ST8SIA1: variants seen among roughly 807,000 people sequenced by gnomAD.
ST8SIA1 encodes the protein alpha-N-acetylneuraminide alpha-2,8-sialyltransferase.
ST8SIA1 carries 16 observed loss-of-function variants against 35.9 expected under a neutral mutation model. The ratio of observed to expected loss-of-function variants is 0.45; its 90% CI spans 0.30 to 0.68. The LOEUF (loss-of-function observed/expected upper bound fraction) is 0.68. ST8SIA1 is among the 30% of genes least tolerant of loss of function. The pLI, the probability that ST8SIA1 is intolerant of heterozygous loss-of-function variation, is 0.09. For missense variants in ST8SIA1, 383 were observed against 453.6 expected (o/e 0.84, Z 1.41); for synonymous variants, 170 against 169.6 (o/e 1.00, Z -0.02).
At chr12:22,285,155 G>A (rs1181089609) in intron 2 of ST8SIA1, among the ~76,000 whole-genome samples, 1 of 152,206 alleles carries the variant, frequency 6.6e-6, no homozygotes, top group Non-Finnish European at 1.5e-5. Flanking sequence ...TTCGCAACTA[G>A]TGTTCTGGAT....
In ST8SIA1 at chr12:22,226,319, T is replaced by C. The variant is rs796474577; in HGVS notation, c.584+22687A>G. Among the ~76,000 whole-genome samples, 28 of 152,334 alleles carry C rather than the reference T, an allele frequency of 1.8e-4. 1 individual carries two copies. Among genetic ancestry groups the C allele is most frequent in the African/African-American group, 6.7e-4 (28 of 41,584 alleles). ...ACCTTGACTCTTACTCCATTGTAGG[T>C]AAATCACATTTTTCTGATTGGATGC... On this transcript the variant is annotated intron_variant, in intron 4 of 4. Transcript: ENST00000396037.
intron 2 of ST8SIA1, among the ~76,000 whole-genome samples, chr12:22,273,121 T>C (rs1407324921): frequency 6.6e-6 from 1 of 152,118 alleles, no homozygotes; most frequent in Non-Finnish European, 1.5e-5. Context: ...AATGCCTAGA[T>C]AGACACGGGC....
At position 22,200,758 on chromosome 12, in the gene ST8SIA1, A is replaced by G. The variant is rs927107294; in HGVS notation, c.*794T>C. Reference sequence around the variant, plus strand: ...TCATATTGGTAGTCTTTTGCACTAAAATAAAAATGACAATGCAAACAGGCT... The same window carrying G: ...TCATATTGGTAGTCTTTTGCACTAAGATAAAAATGACAATGCAAACAGGCT... On this transcript the variant is annotated 3_prime_UTR_variant, in exon 5 of 5. Transcript: ENST00000396037. The G allele has an allele frequency of 1.3e-5, 2 of 152,184 alleles. No individual in the cohort carries two copies. The highest frequency in any genetic ancestry group is 4.8e-5 in the African/African-American group (2 of 41,448). The allele number at this position is 152,184 out of a possible 1,614,324, so 9.4% of individuals were successfully genotyped here.
chr12:22,329,903 C>A (rs1210731829), intron 1 of ST8SIA1, among the ~76,000 whole-genome samples: 1 of 152,216 alleles, frequency 6.6e-6, no homozygotes, highest in Non-Finnish European at 1.5e-5. Context: ...GATGTGCCAC[C>A]TCTGCTGATA....
intron 2 of ST8SIA1, among the ~76,000 whole-genome samples, chr12:22,281,880 C>T (rs1376382908): frequency 6.6e-6 from 1 of 151,086 alleles, no homozygotes; most frequent in Non-Finnish European, 1.5e-5. Context: ...TGGTAGCACA[C>T]GCCTATAATC....
chr12:22,328,269 A>G (rs1379872479), intron 1 of ST8SIA1, among the ~76,000 whole-genome samples: 3 of 152,178 alleles, frequency 2.0e-5, no homozygotes, highest in Admixed American at 2.0e-4. Flanking sequence ...TTGTTGACCA[A>G]TTGGGTGGCT....
chr12:22,334,325 G>C lies in ST8SIA1; in HGVS notation c.-93C>G. The stretch of plus-strand genomic sequence containing the variant: ...GGGTCCCCCACCGCCAGCCCCCCAT[G>C]CACACACACCTTTGGTTCTCTTACT... On this transcript the variant is annotated 5_prime_UTR_variant, in exon 1 of 5. Coordinates refer to ENST00000396037, the MANE Select transcript of ST8SIA1 (RefSeq NM_003034.4). The C allele has an allele frequency of 1.1e-6, 1 of 934,270 alleles. No homozygotes were observed. Among genetic ancestry groups the C allele is most frequent in the South Asian group, 1.5e-5 (1 of 66,336 alleles). The allele number at this position is 934,270 out of a possible 1,614,324, so 57.9% of individuals were successfully genotyped here.
At chr12:22,333,960 G>A (rs1565599897) in intron 1 of ST8SIA1, 37 bp downstream of exon 1, 11 of 1,587,930 alleles carry the variant, frequency 6.9e-6, no homozygotes, top group African/African-American at 1.3e-5. Context: ...GGGGAGGAAA[G>A]GACGCTAGAG....
At chr12:22,223,709 G>A (rs1865326454) in intron 4 of ST8SIA1, 1 of 1,241,944 alleles carries the variant, frequency 8.1e-7, no homozygotes, top group Non-Finnish European at 1.0e-6. Context: ...TTTGGCTTTT[G>A]GAGCTGTTTT....
Position 22,334,203 on chromosome 12 carries a change from T to C in ST8SIA1, c.30A>G (p.Gln10=). ...GTACAGCCATGGCCCCTCTGGACGT[T>C]TGTCGCCGGGCCCGCCCGCAGGGGC... The part of the protein sequence containing the change: MSPCGRARR[Q]TSRGAMAVLA... The change falls in exon 1 of 5, where the codon CAA becomes CAG. Residue 10 remains glutamine (Q), a synonymous_variant. Transcript: ENST00000396037. 1 of 1,613,230 alleles carries C rather than the reference T, an allele frequency of 6.2e-7. No homozygotes were observed. The highest frequency in any genetic ancestry group is 2.2e-5 in the East Asian group (1 of 44,822).
intron 1 of ST8SIA1, among the ~76,000 whole-genome samples, chr12:22,310,879 C>A (rs1460719599): frequency 1.3e-5 from 2 of 152,096 alleles, no homozygotes; most frequent in East Asian, 1.9e-4. Flanking sequence ...CGCATTATAG[C>A]CCCTGTAAGT....
At chr12:22,296,267 G>A (rs965089426) in intron 1 of ST8SIA1, among the ~76,000 whole-genome samples, 8 of 152,142 alleles carry the variant, frequency 5.3e-5, no homozygotes, top group African/African-American at 1.9e-4. Context: ...GTGAAAAGGA[G>A]AAGAATCTGC....
At chr12:22,248,208 G>A (rs905784076) in intron 4 of ST8SIA1, among the ~76,000 whole-genome samples, 2 of 152,100 alleles carry the variant, frequency 1.3e-5, no homozygotes, top group Non-Finnish European at 2.9e-5. Context: ...TCACTTGGAC[G>A]GGACTTAGAT....
intron 1 of ST8SIA1, among the ~76,000 whole-genome samples, chr12:22,302,582 G>C (rs1220962850): frequency 1.3e-5 from 2 of 152,116 alleles, no homozygotes; most frequent in African/African-American, 4.8e-5. Flanking sequence ...CCAGACATGA[G>C]AGATCAGATA....
At chr12:22,228,821 C>A (rs1346799138) in intron 4 of ST8SIA1, among the ~76,000 whole-genome samples, 1 of 151,632 alleles carries the variant, frequency 6.6e-6, no homozygotes, top group Non-Finnish European at 1.5e-5. Flanking sequence ...TTTGGGAGGC[C>A]AAGGCGGGTG....
chr12:22,305,491 C>T (rs900346369), intron 1 of ST8SIA1, among the ~76,000 whole-genome samples: 15 of 151,774 alleles, frequency 9.9e-5, no homozygotes, highest in Admixed American at 2.6e-4. Flanking sequence ...AGCTATTCTC[C>T]TGCCTCAGCC....
chr12:22,314,464 C>T (rs1866491676), intron 1 of ST8SIA1, among the ~76,000 whole-genome samples: 1 of 152,036 alleles, frequency 6.6e-6, no homozygotes, highest in South Asian at 2.1e-4. Flanking sequence ...ATAAAACCTA[C>T]AGGAACACAA....
At chr12:22,312,235 G>A (rs1269515958) in intron 1 of ST8SIA1, among the ~76,000 whole-genome samples, 3 of 152,074 alleles carry the variant, frequency 2.0e-5, no homozygotes, top group African/African-American at 7.2e-5. Flanking sequence ...GCCTACCAGG[G>A]TCCTAGAATA....
At chr12:22,221,690 T>C (rs1865302188) in intron 4 of ST8SIA1, among the ~76,000 whole-genome samples, 1 of 152,230 alleles carries the variant, frequency 6.6e-6, no homozygotes, top group Admixed American at 6.5e-5. Context: ...AAGAGTTAAT[T>C]ATATTACAGT....
Sources: gnomAD v4.1 joint callset for allele counts (sites outside exome capture counted in the v4.1 genomes callset) on GRCh38, gnomAD v4.1.1 for gene constraint, MANE v1.5 for transcripts, NCBI Gene and HGNC (gene_info 2026-07-23, HGNC 2026-07-21) for gene names.